Variants in NEMP2 observed in about 807,000 individuals in gnomAD.
NEMP2 encodes the protein nuclear envelope integral membrane protein 2.
Under a neutral mutation model 54.2 loss-of-function variants are expected in NEMP2, and 53 were observed. The ratio of observed to expected loss-of-function variants is 0.98; its 90% CI spans 0.78 to 1.23. The LOEUF is 1.23. Ranked by LOEUF, NEMP2 falls within the 50% of genes most tolerant of loss-of-function variation. NEMP2 has a pLI of 0.00. For missense variants in NEMP2, 455 were observed against 511.3 expected, an observed-to-expected ratio of 0.89 and a Z score of 1.06; for synonymous variants, 197 against 190.3, an observed-to-expected ratio of 1.04 and a Z score of -0.29.
the NEMP2 span, among the ~76,000 whole-genome samples, chr2:190,565,250 A>G: frequency 2.2e-3 from 342 of 152,266 alleles, 2 homozygotes; most frequent in Admixed American, 0.019. Flanking sequence ...GAGGACCTAA[A>G]CAATCAAATG....
At chr2:190,453,869 T>C in the NEMP2 span, among the ~76,000 whole-genome samples, 1 of 152,334 alleles carries the variant, frequency 6.6e-6, no homozygotes, top group African/African-American at 2.4e-5. Flanking sequence ...AAACAAGACT[T>C]GACCAGCAAA....
In NEMP2 at chr2:190,525,321, C is replaced by A; in HGVS notation, c.155G>T (p.Cys52Phe). Residue 52 changes from cysteine (C) to phenylalanine (F), a missense_variant, in exon 2 of 9, where the codon TGT becomes TTT. By Grantham distance (205) the Cys-to-Phe change is radical. Coordinates refer to ENST00000409150, the MANE Select transcript of NEMP2 (RefSeq NM_001142645.2). The surrounding 1 kb of genome is among the most constrained non-coding windows in gnomAD (Gnocchi z 5.0). ...KDLIRTSESD[C>F]YCYNQNSQVE... is the part of the protein sequence containing the mutation. ...TTGGGAATTTTGATTGTAGCAGTAA[C>A]AGTCTGACTCAGACGTTCTAATTAA... 6.4e-7 allele frequency: 1 copy of A among 1,550,804 alleles called. No homozygotes were observed. Among genetic ancestry groups the A allele is most frequent in the Non-Finnish European group, 8.7e-7 (1 of 1,146,454 alleles).
At chr2:190,437,278 A>G in the NEMP2 span, 11 of 1,614,072 alleles carry the variant, frequency 6.8e-6, no homozygotes, top group South Asian at 1.1e-5. The surrounding 1 kb of genome is among the most constrained non-coding windows in gnomAD (Gnocchi z 5.9). Flanking sequence ...GAACAACTCT[A>G]CAGAGTCCTC....
chr2:190,500,121 C>A, downstream of NEMP2: 1 of 1,614,208 alleles, frequency 6.2e-7, no homozygotes, highest in Non-Finnish European at 8.5e-7. This position sits in a 1 kb window ranked among gnomAD's most constrained non-coding sequence, Gnocchi z 5.3. Context: ...GACGCAGCAG[C>A]ATCTCAGACG....
At chr2:190,461,842 T>A in the NEMP2 span, among the ~76,000 whole-genome samples, 1 of 152,208 alleles carries the variant, frequency 6.6e-6, no homozygotes, top group Admixed American at 6.5e-5. This position sits in a 1 kb window ranked among gnomAD's most constrained non-coding sequence, Gnocchi z 5.5. Flanking sequence ...TCTACCAGTT[T>A]TAATTTTTTT....
At chr2:190,638,088 G>A in the NEMP2 span, among the ~76,000 whole-genome samples, 3 of 152,196 alleles carry the variant, frequency 2.0e-5, no homozygotes, top group Non-Finnish European at 4.4e-5. The surrounding 1 kb of genome is among the most constrained non-coding windows in gnomAD (Gnocchi z 5.7). Context: ...TAGTGATGTT[G>A]TCTGAAGGGC....
chr2:190,626,512 G>A, the NEMP2 span: 1 of 152,246 alleles, frequency 6.6e-6, no homozygotes, highest in South Asian at 2.1e-4. The surrounding 1 kb of genome is among the most constrained non-coding windows in gnomAD (Gnocchi z 4.5). Context: ...GTAATTTTGG[G>A]TAGTTAAGCA....
chr2:190,437,624 G>T, the NEMP2 span: 19 of 1,521,006 alleles, frequency 1.2e-5, no homozygotes, highest in African/African-American at 2.4e-4. The surrounding 1 kb of genome is among the most constrained non-coding windows in gnomAD (Gnocchi z 5.9). Context: ...ATGGTTTATA[G>T]CTCCTTCTAC....
chr2:190,522,661 T>C lies in NEMP2; in HGVS notation c.213+2602A>G, dbSNP rs1201909413. Among the ~76,000 whole-genome samples the C allele has an allele frequency of 1.3e-5, 2 of 152,124 alleles. No individual in the cohort carries two copies. The highest frequency in any genetic ancestry group is 2.9e-5 in the Non-Finnish European group (2 of 68,026). On this transcript the variant is annotated intron_variant, in intron 2 of 8. Coordinates refer to ENST00000409150, the MANE Select transcript of NEMP2 (RefSeq NM_001142645.2). The surrounding 1 kb of genome is among the most constrained non-coding windows in gnomAD (Gnocchi z 5.0). ...AAAACCAACCAGCATTTAATATCAA[T>C]ACAGACCTTAAGTCTGATAAGAAGC...
the NEMP2 span, among the ~76,000 whole-genome samples, chr2:190,630,264 G>A: frequency 1.3e-5 from 2 of 152,130 alleles, no homozygotes; most frequent in African/African-American, 2.4e-5. This position sits in a 1 kb window ranked among gnomAD's most constrained non-coding sequence, Gnocchi z 5.5. Flanking sequence ...ATGGAGTCTC[G>A]CTCTGTTGCC....
At chr2:190,635,811 C>T in the NEMP2 span, among the ~76,000 whole-genome samples, 2 of 152,168 alleles carry the variant, frequency 1.3e-5, no homozygotes, top group African/African-American at 4.8e-5. This position sits in a 1 kb window ranked among gnomAD's most constrained non-coding sequence, Gnocchi z 4.1. Flanking sequence ...CTAAATACCA[C>T]CAAATTGCTC....
chr2:190,457,546 G>C, the NEMP2 span, among the ~76,000 whole-genome samples: 35,077 of 152,100 alleles, frequency 0.23, 4,956 homozygotes, highest in South Asian at 0.33. This position sits in a 1 kb window ranked among gnomAD's most constrained non-coding sequence, Gnocchi z 5.1. Flanking sequence ...TCTACATAGA[G>C]AATTTTATTT....
the NEMP2 span, among the ~76,000 whole-genome samples, chr2:190,432,426 G>GT: frequency 6.6e-6 from 1 of 152,014 alleles, no homozygotes. Context: ...GTTTGTTTTT[G>GT]TTTTTTGAGA....
the NEMP2 span, among the ~76,000 whole-genome samples, chr2:190,477,879 A>G: frequency 1.3e-5 from 2 of 152,190 alleles, no homozygotes; most frequent in African/African-American, 4.8e-5. Flanking sequence ...CAAAAATCAC[A>G]TAAGCTAGAT....
At chr2:190,645,733 T>A in the NEMP2 span, among the ~76,000 whole-genome samples, 1 of 152,254 alleles carries the variant, frequency 6.6e-6, no homozygotes, top group African/African-American at 2.4e-5. Flanking sequence ...ACATGAAATG[T>A]GATTTTCCAT....
chr2:190,559,337 G>A, the NEMP2 span, among the ~76,000 whole-genome samples: 1 of 152,202 alleles, frequency 6.6e-6, no homozygotes, highest in Non-Finnish European at 1.5e-5. The surrounding 1 kb of genome is among the most constrained non-coding windows in gnomAD (Gnocchi z 4.0). Flanking sequence ...CTGGATAGGA[G>A]AGTTGCAGCT....
At chr2:190,454,115 G>A in the NEMP2 span, 1 of 152,070 alleles carries the variant, frequency 6.6e-6, no homozygotes, top group Admixed American at 6.5e-5. The surrounding 1 kb of genome is among the most constrained non-coding windows in gnomAD (Gnocchi z 4.6). Flanking sequence ...TATTTTTATT[G>A]TTACAGTAAT....
At chr2:190,484,937 A>G in the NEMP2 span, among the ~76,000 whole-genome samples, 3 of 152,176 alleles carry the variant, frequency 2.0e-5, no homozygotes, top group South Asian at 2.1e-4. Flanking sequence ...GTGCTTTACT[A>G]TTTTTTCCTT....
the NEMP2 span, among the ~76,000 whole-genome samples, chr2:190,575,047 G>A: frequency 0.014 from 2,173 of 151,854 alleles, 87 homozygotes; most frequent in East Asian, 0.077. Flanking sequence ...AGTAGAGATG[G>A]GGTTTCACTA....
Sources: gnomAD v4.1 joint callset for allele counts (sites outside exome capture counted in the v4.1 genomes callset) on GRCh38, gnomAD v4.1.1 for gene constraint, Gnocchi (gnomAD v3.1) non-coding constraint, MANE v1.5 for transcripts, NCBI Gene and HGNC (gene_info 2026-07-23, HGNC 2026-07-21) for gene names.